PDE4DIP: variants seen among roughly 807,000 people sequenced by gnomAD.
PDE4DIP encodes phosphodiesterase 4D interacting protein.
Under a neutral mutation model 221.4 loss-of-function variants are expected in PDE4DIP, and 59 were observed. That is an observed-to-expected ratio of 0.27 (90% CI 0.22 to 0.33). The LOEUF is 0.33. Ranked by LOEUF, PDE4DIP falls within the 10% of genes least tolerant of loss-of-function variation. The pLI, the probability that PDE4DIP is intolerant of heterozygous loss-of-function variation, is 1.00. For missense variants in PDE4DIP, 1,036 were observed against 2,154.2 expected, an observed-to-expected ratio of 0.48 and a Z score of 10.28; for synonymous variants, 404 against 815.9, an observed-to-expected ratio of 0.50 and a Z score of 8.60.
intron 1 of PDE4DIP, among the ~76,000 whole-genome samples, chr1:148,857,200 A>G (rs1681708327): frequency 1.3e-5 from 1 of 76,946 alleles, no homozygotes; most frequent in Admixed American, 1.2e-4. Flanking sequence ...CTTTTTAAAA[A>G]TAAGAATTAG....
intron 1 of PDE4DIP, among the ~76,000 whole-genome samples, chr1:148,828,943 C>G (rs1164083479): frequency 1.3e-5 from 2 of 150,248 alleles, no homozygotes; most frequent in African/African-American, 4.9e-5. Flanking sequence ...AATGAATGAA[C>G]GAATGAATGA....
chr1:148,979,885 T>G (rs1200739853), intron 20 of PDE4DIP, 36 bp downstream of exon 23: 1 of 1,599,388 alleles, frequency 6.3e-7, no homozygotes, highest in Non-Finnish European at 8.5e-7. Context: ...TATTCTTTAT[T>G]GAAATTTTTA....
intron 17 of PDE4DIP, among the ~76,000 whole-genome samples, chr1:148,975,885 G>A (rs10494237): frequency 1.3e-5 from 2 of 151,846 alleles, no homozygotes; most frequent in Non-Finnish European, 2.9e-5. Context: ...TAAAACCTGT[G>A]TTTGTATTTG....
intron 9 of PDE4DIP, among the ~76,000 whole-genome samples, chr1:148,963,660 C>T (rs1485131397): frequency 4.6e-5 from 7 of 151,098 alleles, no homozygotes; most frequent in Non-Finnish European, 4.4e-5. Flanking sequence ...ATAATCAGCC[C>T]TGTTTTTTAT....
At chr1:148,996,420 G>C (rs2064230345) in intron 22 of PDE4DIP, among the ~76,000 whole-genome samples, 1 of 152,174 alleles carries the variant, frequency 6.6e-6, no homozygotes, top group Admixed American at 6.6e-5. Flanking sequence ...CACAAATGCT[G>C]GGGGCACATA....
At chr1:148,941,365 G>A (rs1466278903) in intron 5 of PDE4DIP, among the ~76,000 whole-genome samples, 3 of 80,598 alleles carry the variant, frequency 3.7e-5, no homozygotes, top group African/African-American at 5.7e-5. Context: ...GGAATTGGGA[G>A]TAATCGATGT....
chr1:149,009,595 G>A (rs782046386), exon 30 of PDE4DIP: 2 of 1,612,492 alleles, frequency 1.2e-6, no homozygotes, highest in South Asian at 2.2e-5. Context: ...AGGAGAAGGA[G>A]AAAGTGATTG....
intron 32 of PDE4DIP, among the ~76,000 whole-genome samples, chr1:149,013,977 A>T (rs1238121570): frequency 5.3e-5 from 8 of 151,838 alleles, no homozygotes; most frequent in Admixed American, 5.2e-4. Context: ...TTGTAGAGAC[A>T]GGGTTTCGCC....
chr1:149,001,214 T>C (rs2065583775), intron 23 of PDE4DIP, among the ~76,000 whole-genome samples: 1 of 152,102 alleles, frequency 6.6e-6, no homozygotes, highest in Non-Finnish European at 1.5e-5. Flanking sequence ...CTGTAAAATT[T>C]ATAACAATAA....
At chr1:148,979,956 T>C (rs2060813774) in intron 20 of PDE4DIP, 107 bp downstream of exon 23, 2 of 1,390,704 alleles carry the variant, frequency 1.4e-6, no homozygotes, top group Non-Finnish European at 2.0e-6. Context: ...CTTATGATAC[T>C]GAAGAGGGGA....
chr1:148,986,692 C>T (rs1553550057), intron 21 of PDE4DIP, among the ~76,000 whole-genome samples: 2 of 152,128 alleles, frequency 1.3e-5, no homozygotes, highest in Non-Finnish European at 2.9e-5. Context: ...ATACTTTCCC[C>T]GGAAATGTCA....
intron 5 of PDE4DIP, chr1:148,953,166 T>C (rs1553494223): frequency 1.2e-6 from 2 of 1,614,106 alleles, no homozygotes; most frequent in Non-Finnish European, 1.7e-6. Flanking sequence ...TCTGCACTGC[T>C]CCAGGAGGAC....
rs781878406 is a variant in PDE4DIP at position 148,981,366 on chromosome 1, A to T, written c.2784A>T (p.Leu928Phe). The T allele has an allele frequency of 5.6e-6, 9 of 1,614,078 alleles. No individual in the cohort carries two copies. In the South Asian group the frequency reaches 8.8e-5, roughly 16 times the overall value. Reference sequence around the variant, plus strand: ...TTCTTGGAAGAAGCTTGGAGCGCTTAAACAGGCTGGAGACCCTGGCCGCCA... The same window carrying T: ...TTCTTGGAAGAAGCTTGGAGCGCTTTAACAGGCTGGAGACCCTGGCCGCCA... The change falls in exon 21 of 44, where the codon TTA becomes TTT. Residue 928 changes from leucine (L) to phenylalanine (F), a missense_variant. By Grantham distance (22) the Leu-to-Phe change is conservative (BLOSUM62 0). Transcript: ENST00000369354.
intron 18 of PDE4DIP, 62 bp from the exon 22 acceptor site, chr1:148,978,216 T>G: frequency 7.0e-7 from 1 of 1,421,440 alleles, no homozygotes; most frequent in Non-Finnish European, 9.8e-7. Context: ...GTTCCCGTGC[T>G]ACTCTGCTGA....
chr1:148,951,826 ACTCCT>A (rs1293475632), intron 5 of PDE4DIP: 1 of 156,084 alleles, frequency 6.4e-6, no homozygotes, highest in African/African-American at 2.4e-5. Context: ...AGGGAGAAAC[ACTCCT>A]CTACTCTTTT....
intron 1 of PDE4DIP, among the ~76,000 whole-genome samples, chr1:148,907,521 TTCTC>T (rs1397564749): frequency 1.4e-5 from 2 of 148,014 alleles, no homozygotes; most frequent in African/African-American, 4.9e-5. Context: ...TAGTGGCAAA[TTCTC>T]TCAGCATTTG....
intron 27 of PDE4DIP, chr1:149,006,409 A>G (rs1485923885): frequency 6.6e-6 from 1 of 152,184 alleles, no homozygotes; most frequent in African/African-American, 2.4e-5. Context: ...GGGTCCCATC[A>G]GTTGATGGTA....
exon 23 of PDE4DIP, chr1:148,998,186 C>G (rs1553568169): frequency 2.0e-6 from 3 of 1,467,436 alleles, no homozygotes; most frequent in Admixed American, 1.7e-5. Flanking sequence ...ACTGTGGAGA[C>G]CCAGAACCCA....
intron 22 of PDE4DIP, among the ~76,000 whole-genome samples, chr1:148,994,967 G>C (rs1170397055): frequency 2.6e-5 from 4 of 152,128 alleles, no homozygotes; most frequent in Non-Finnish European, 4.4e-5. Context: ...AATGACAGGA[G>C]CTCTCCCCCA....
Sources: gnomAD v4.1 joint callset for allele counts (sites outside exome capture counted in the v4.1 genomes callset) on GRCh38, gnomAD v4.1.1 for gene constraint, MANE v1.5 for transcripts, NCBI Gene and HGNC (gene_info 2026-07-23, HGNC 2026-07-21) for gene names.